TSKU: variants seen among roughly 807,000 people sequenced by gnomAD.
TSKU encodes the protein tsukushi, small leucine rich proteoglycan, also known as tsukushi.
Under a neutral mutation model 11.2 loss-of-function variants are expected in TSKU, and 4 were observed. That is an observed-to-expected ratio of 0.36 (90% CI 0.18 to 0.82). TSKU has a LOEUF of 0.82. Ranked by LOEUF, TSKU falls within the 40% of genes least tolerant of loss-of-function variation. The pLI is 0.50. For missense variants in TSKU, 407 were observed against 482.5 expected (o/e 0.84, Z 1.47); for synonymous variants, 220 against 232.2 (o/e 0.95, Z 0.48).
At chr11:76,787,658 G>A (rs777560121) in intron 1 of TSKU, among the ~76,000 whole-genome samples, 3 of 152,318 alleles carry the variant, frequency 2.0e-5, no homozygotes, top group Admixed American at 6.5e-5. Context: ...GCATCTTCAC[G>A]TGGTGTCTGC....
rs1451378148 is a variant in TSKU, at chr11:76,796,049, G to A, written c.433G>A (p.Glu145Lys). The A allele has an allele frequency of 1.9e-6, 3 of 1,614,004 alleles. No homozygotes were observed. Among genetic ancestry groups the A allele is most frequent in the East Asian group, 2.2e-5 (1 of 44,862 alleles). Residue 145 changes from glutamate to lysine, a missense_variant, in exon 2 of 2, where the codon GAG (glutamate) becomes AAG (lysine). Transcript: ENST00000333090. This position sits in a 1 kb window ranked among gnomAD's most constrained non-coding sequence, Gnocchi z 4.1. ...GAACCTTAGCCACAACCAGCTCCGG[G>A]AGGTCTCAGTGTCTGCCTTCACGAC... ...DVNLSHNQLR[E>K]VSVSAFTTHS... is the part of the protein sequence containing the mutation.
intron 1 of TSKU, 73 bp from the exon 2 acceptor site, chr11:76,795,536 C>G (rs1944427239): frequency 1.2e-5 from 18 of 1,530,790 alleles, no homozygotes; most frequent in Non-Finnish European, 1.5e-5. Context: ...AGTGTCTAGA[C>G]TGGGCTCATG....
At chr11:76,783,764 G>T (rs1944270593) in intron 1 of TSKU, among the ~76,000 whole-genome samples, 1 of 152,206 alleles carries the variant, frequency 6.6e-6, no homozygotes. Flanking sequence ...TTGCGCCCGT[G>T]TCCACGTTTG....
At chr11:76,793,617 G>A (rs903647618) in intron 1 of TSKU, among the ~76,000 whole-genome samples, 1 of 152,146 alleles carries the variant, frequency 6.6e-6, no homozygotes, top group African/African-American at 2.4e-5. Flanking sequence ...GGGGAGGTGG[G>A]GCCTTTGGTG....
At position 76,797,071 on chromosome 11, in the gene TSKU, T is replaced by C. The variant is rs1944464030; in HGVS notation, c.*393T>C. On this transcript the variant is annotated 3_prime_UTR_variant, in exon 2 of 2. Coordinates refer to ENST00000333090, the MANE Select transcript of TSKU (RefSeq NM_015516.4). ...AGGTCCACTGGGCTGAGTGTCCCCT[T>C]GGGCCCATGGCCCAGTCACTCAGGG... 2 of 186,264 alleles carry C rather than the reference T, an allele frequency of 1.1e-5. No individual in the cohort carries two copies. The highest frequency in any genetic ancestry group is 1.3e-4 in the Admixed American group (2 of 15,870). The allele number at this position is 186,264 out of a possible 1,614,324, so 11.5% of individuals were successfully genotyped here. A position where few individuals can be genotyped will look rare whatever the true frequency, so the allele number is the denominator to read the frequency against.
At chr11:76,783,776 G>A (rs1944270739) in intron 1 of TSKU, among the ~76,000 whole-genome samples, 2 of 152,198 alleles carry the variant, frequency 1.3e-5, no homozygotes, top group Admixed American at 6.5e-5. Flanking sequence ...CCACGTTTGC[G>A]GGCCTGCGCT....
At position 76,795,765 on chromosome 11, in the gene TSKU, A is replaced by C. The variant is rs1367158555; in HGVS notation, c.149A>C (p.His50Pro). The C allele has an allele frequency of 2.5e-6, 4 of 1,614,104 alleles. 1 individual carries two copies. In the South Asian group the frequency reaches 3.3e-5, roughly 13 times the overall value. Residue 50 changes from histidine to proline, a missense_variant, in exon 2 of 2, where the codon CAC becomes CCC. Coordinates refer to ENST00000333090, the MANE Select transcript of TSKU (RefSeq NM_015516.4). ...GTGGATTGTAGCGGCCTGGGCCCCC[A>C]CATCATGCCGGTGCCCATCCCTCTG... ...TRVDCSGLGP[H>P]IMPVPIPLDT...
upstream of TSKU, chr11:76,783,328 G>A (rs1240953512): frequency 6.6e-6 from 1 of 150,882 alleles, no homozygotes; most frequent in African/African-American, 2.4e-5. Context: ...GCCGCGCGGA[G>A]AAAAGCGCTG....
Position 76,797,923 on chromosome 11 carries a change from A to G in TSKU, c.*1245A>G, listed in dbSNP as rs372565885. On this transcript the variant is annotated 3_prime_UTR_variant, in exon 2 of 2. Transcript: ENST00000333090. Reference sequence around the variant, plus strand: ...ACCCCTGCTGGCCGGGGATGGAGACATGTCATTTGTAAAAGCAGAAAAAGG... The same window carrying G: ...ACCCCTGCTGGCCGGGGATGGAGACGTGTCATTTGTAAAAGCAGAAAAAGG... 7 of 167,202 alleles carry G rather than the reference A, an allele frequency of 4.2e-5. No homozygotes were observed. The South Asian group carries it at 1.5e-3, about 35-fold the overall frequency. 10.4% of individuals were successfully genotyped at this position (167,202 alleles called of 1,614,324 possible).
In TSKU at chr11:76,796,525, G is replaced by A. The variant is rs758640928; in HGVS notation, c.909G>A (p.Pro303=). 9.9e-6 allele frequency: 16 copies of A among 1,609,518 alleles called. No individual in the cohort carries two copies. Among genetic ancestry groups the A allele is most frequent in the Middle Eastern group, 1.6e-4 (1 of 6,062 alleles). The change falls in exon 2 of 2, where the codon CCG becomes CCA. Residue 303 remains proline (P), a synonymous_variant. Transcript: ENST00000333090. The surrounding 1 kb of genome is among the most constrained non-coding windows in gnomAD (Gnocchi z 4.1). ...PLPEALLLHL[P]ALQSVSVGQD... ...CTGAGGCGCTGCTCCTCCACCTCCC[G>A]GCACTGCAGAGCGTCAGCGTGGGCC...
chr11:76,783,712 G>A (rs997143347), intron 1 of TSKU, among the ~76,000 whole-genome samples: 1 of 152,230 alleles, frequency 6.6e-6, no homozygotes, highest in Admixed American at 6.5e-5. Context: ...GGGACGCGCC[G>A]CTGTCGGTGC....
chr11:76,782,501 C>G (rs757995918), upstream of TSKU: 11 of 151,748 alleles, frequency 7.2e-5, no homozygotes, highest in Non-Finnish European at 1.3e-4. Context: ...CTAGGAAATG[C>G]GTCCACCAGG....
At chr11:76,793,688 A>G (rs10793195) in intron 1 of TSKU, among the ~76,000 whole-genome samples, 42,160 of 152,010 alleles carry the variant, frequency 0.28, 6,403 homozygotes, top group African/African-American at 0.4. Flanking sequence ...AAGCAACTTA[A>G]TATTTTCCTT....
At chr11:76,792,083 C>T (rs186874433) in intron 1 of TSKU, 134 of 152,614 alleles carry the variant, frequency 8.8e-4, no homozygotes, top group Non-Finnish European at 1.2e-3. Context: ...TGCAAAGCCA[C>T]GGGGGTGGAG....
At chr11:76,784,755 G>A (rs963597003) in intron 1 of TSKU, among the ~76,000 whole-genome samples, 1 of 145,310 alleles carries the variant, frequency 6.9e-6, no homozygotes, top group Non-Finnish European at 1.5e-5. Flanking sequence ...GTGGGGGGGG[G>A]GGGGTGCTCA....
At chr11:76,782,834 G>C (rs1211719356), upstream of TSKU, 1 of 151,988 alleles carries the variant, frequency 6.6e-6, no homozygotes. Context: ...CTTGCTCCCG[G>C]TAGTCCCTGA....
intron 1 of TSKU, among the ~76,000 whole-genome samples, chr11:76,784,753 G>A (rs1018212923): frequency 1.3e-4 from 19 of 145,956 alleles, no homozygotes; most frequent in Non-Finnish European, 2.7e-4. Context: ...AGGTGGGGGG[G>A]GGGGGGTGCT....
At chr11:76,792,462 C>G (rs1944384771) in intron 1 of TSKU, 1 of 152,170 alleles carries the variant, frequency 6.6e-6, no homozygotes. Context: ...AATGTGAGAA[C>G]ATGAGATTTG....
chr11:76,784,532 C>G (rs1009576731), intron 1 of TSKU, among the ~76,000 whole-genome samples: 1 of 152,182 alleles, frequency 6.6e-6, no homozygotes, highest in South Asian at 2.1e-4. Flanking sequence ...TTCGCGGAGT[C>G]GCGGTCACTC....
Sources: gnomAD v4.1 joint callset for allele counts (sites outside exome capture counted in the v4.1 genomes callset) on GRCh38, gnomAD v4.1.1 for gene constraint, Gnocchi (gnomAD v3.1) non-coding constraint, MANE v1.5 for transcripts, NCBI Gene and HGNC (gene_info 2026-07-23, HGNC 2026-07-21) for gene names.